The following HTT variants were observed in gnomAD, a reference collection of about 807,000 sequenced individuals.
HTT encodes huntingtin, also known as huntington disease protein.
In HTT, 104 loss-of-function variants were observed where a neutral mutation model predicts 362.3. That is an observed-to-expected ratio of 0.29 (90% CI 0.24 to 0.34). HTT has a LOEUF of 0.34. Among genes scored for constraint, HTT ranks in the 10% least tolerant of loss-of-function variants. The probability of loss-of-function intolerance (pLI) is 1.00; values close to 1 mark genes in which losing one functional copy is unlikely to be tolerated. For synonymous variants in HTT, 1,577 were observed against 1,548.7 expected (o/e 1.02, Z -0.43); for missense variants, 3,301 against 3,928.6 (o/e 0.84, Z 4.27).
chr4:3,104,355 A>T (rs1714318111), intron 4 of HTT, among the ~76,000 whole-genome samples: 1 of 151,922 alleles, frequency 6.6e-6, no homozygotes, highest in Admixed American at 6.6e-5. Context: ...CATGCCTGTA[A>T]TCCCAGCATT....
At chr4:3,142,999 C>A in intron 23 of HTT, 113 bp downstream of exon 23, 1 of 736,422 alleles carries the variant, frequency 1.4e-6, no homozygotes, top group Non-Finnish European at 2.3e-6. Flanking sequence ...ACAGCTCTTA[C>A]TTATCCATGA....
chr4:3,223,445 C>A lies in HTT; in HGVS notation c.7510C>A (p.Gln2504Lys). ...GACCCAGATCAACGTCCTGGCCGTGCAGGCCATCACCTCACTGGTGCTCAG... is the reference window on the plus strand; with the variant it reads ...GACCCAGATCAACGTCCTGGCCGTGAAGGCCATCACCTCACTGGTGCTCAG... ...ERTQINVLAV[Q>K]AITSLVLSAM... Residue 2504 changes from glutamine to lysine, a missense_variant, in exon 55 of 67, where the codon CAG (glutamine) becomes AAG (lysine). Physicochemically the swap from Gln to Lys is moderately conservative, Grantham distance 53. Coordinates refer to ENST00000355072, the MANE Select transcript of HTT (RefSeq NM_001388492.1). The A allele has an allele frequency of 6.2e-7, 1 of 1,609,294 alleles. No individual in the cohort carries two copies. Among genetic ancestry groups the A allele is most frequent in the Non-Finnish European group, 8.5e-7 (1 of 1,177,560 alleles).
Position 3,184,771 on chromosome 4 carries a change from AG to A in HTT, c.4867-1821del, listed in dbSNP as rs1718687175. Among the ~76,000 whole-genome samples, 3 of 152,108 alleles carry A rather than the reference AG, an allele frequency of 2.0e-5. No individual in the cohort carries two copies. In the South Asian group the frequency reaches 6.2e-4, roughly 32 times the overall value. ...TGGAGTTGTCGAGAGACTGTGGGGCAGGGGGTCAGCATCTGAGATGTCCACT... is the reference window on the plus strand; with the variant it reads ...TGGAGTTGTCGAGAGACTGTGGGGCAGGGGTCAGCATCTGAGATGTCCACT... On this transcript the variant is annotated intron_variant, in intron 37 of 66. Transcript: ENST00000355072.
At chr4:3,091,764 AC>A (rs1471591549) in intron 2 of HTT, among the ~76,000 whole-genome samples, 1 of 152,320 alleles carries the variant, frequency 6.6e-6, no homozygotes, top group South Asian at 2.1e-4. Flanking sequence ...AAAAATAAGA[AC>A]CTTTTTTACC....
At chr4:3,184,352 G>T (rs1488041203) in intron 37 of HTT, among the ~76,000 whole-genome samples, 1 of 151,990 alleles carries the variant, frequency 6.6e-6, no homozygotes, top group African/African-American at 2.4e-5. Context: ...AGGCCTGGTG[G>T]GGTGAGGCCA....
intron 11 of HTT, among the ~76,000 whole-genome samples, 183 bp from the exon 12 acceptor site, chr4:3,127,081 A>G (rs1207608189): frequency 2.0e-5 from 3 of 152,212 alleles, no homozygotes; most frequent in Admixed American, 1.3e-4. Context: ...TGGGTACTGT[A>G]GTGGGAGGCA....
In HTT at chr4:3,135,899, G is replaced by A. The variant is rs1252257746; in HGVS notation, c.2634-5G>A. 1 of 1,598,804 alleles carries A rather than the reference G, an allele frequency of 6.3e-7. No homozygotes were observed. The highest frequency in any genetic ancestry group is 8.5e-7 in the Non-Finnish European group (1 of 1,174,512). On this transcript the variant is annotated splice_polypyrimidine_tract_variant and splice_region_variant and intron_variant, in intron 19 of 66. Transcript: ENST00000355072. ...ATTTCATTGTTAAATGTGCTCTTTTGTTAGGCTGGTGAGCTTTTTGGAGGC... is the reference window on the plus strand; with the variant it reads ...ATTTCATTGTTAAATGTGCTCTTTTATTAGGCTGGTGAGCTTTTTGGAGGC...
intron 61 of HTT, among the ~76,000 whole-genome samples, chr4:3,234,514 C>T (rs1200044566): frequency 6.6e-6 from 1 of 152,260 alleles, no homozygotes; most frequent in East Asian, 1.9e-4. Flanking sequence ...GCCCCAGACA[C>T]AGGCCAAAGC....
Position 3,148,153 on chromosome 4 carries a change from G to C in HTT, c.3444G>C (p.Val1148=). Residue 1148 remains valine (V), a synonymous_variant, in exon 26 of 67, where the codon GTG becomes GTC. Coordinates refer to ENST00000355072, the MANE Select transcript of HTT (RefSeq NM_001388492.1). ...AGCTCTTCTCTCACCTGCTGAAGGTGATTAACATTTGTGCCCACGTCCTGG... is the reference window on the plus strand; with the variant it reads ...AGCTCTTCTCTCACCTGCTGAAGGTCATTAACATTTGTGCCCACGTCCTGG... ...VEQLFSHLLK[V]INICAHVLDD... 1 of 1,612,388 alleles carries C rather than the reference G, an allele frequency of 6.2e-7. No homozygotes were observed. The highest frequency in any genetic ancestry group is 8.5e-7 in the Non-Finnish European group (1 of 1,179,228).
chr4:3,137,569 C>G (rs1010574099), intron 21 of HTT, among the ~76,000 whole-genome samples: 105 of 152,240 alleles, frequency 6.9e-4, no homozygotes, highest in Admixed American at 2.3e-3. Context: ...TGTGGTGGCA[C>G]ACGCCTGTAA....
chr4:3,106,499 A>G lies in HTT; in HGVS notation c.609-786A>G, dbSNP rs79061441. 7.1e-3 allele frequency among the ~76,000 whole-genome samples: 1,085 copies of G among 152,348 alleles called. 15 individuals are homozygous for G. Among genetic ancestry groups the G allele is most frequent in the African/African-American group, 0.024 (999 of 41,582 alleles). The stretch of plus-strand genomic sequence containing the variant: ...GAAGCAACACATCCAGGTTCTGCAC[A>G]TAGCAGCCAAAGTGACCTTAAAGAA... On this transcript the variant is annotated intron_variant, in intron 5 of 66. Transcript: ENST00000355072.
rs1394589248 is a variant in HTT at position 3,223,431 on chromosome 4, A to G, written c.7496A>G (p.Asn2499Ser). The G allele has an allele frequency of 1.2e-6, 2 of 1,602,294 alleles. No homozygotes were observed. Among genetic ancestry groups the G allele is most frequent in the East Asian group, 2.3e-5 (1 of 44,342 alleles). ...GAAGACACAGAGAGGACCCAGATCAACGTCCTGGCCGTGCAGGCCATCACC... is the reference window on the plus strand; with the variant it reads ...GAAGACACAGAGAGGACCCAGATCAGCGTCCTGGCCGTGCAGGCCATCACC... The part of the protein sequence containing the change: ...PEEDTERTQI[N>S]VLAVQAITSL... The change falls in exon 55 of 67, where the codon AAC becomes AGC. Residue 2499 changes from asparagine to serine, a missense_variant. Asn to Ser is a conservative substitution (Grantham distance 46). Transcript: ENST00000355072.
intron 2 of HTT, among the ~76,000 whole-genome samples, chr4:3,097,564 G>A (rs1343337037): frequency 5.3e-5 from 8 of 152,146 alleles, no homozygotes; most frequent in Middle Eastern, 3.2e-3. Context: ...CCTGGGAGGC[G>A]GAGGTTGCAG....
At chr4:3,153,326 C>G (rs1161014751) in intron 26 of HTT, among the ~76,000 whole-genome samples, 1 of 152,114 alleles carries the variant, frequency 6.6e-6, no homozygotes, top group Non-Finnish European at 1.5e-5. Context: ...ATTTGGGGGA[C>G]TATAGACATT....
Position 3,228,731 on chromosome 4 carries a change from T to C in HTT, c.7965T>C (p.Ser2655=). Residue 2655 remains serine (S), a synonymous_variant, in exon 58 of 67, where the codon TCT becomes TCC. Transcript: ENST00000355072. The surrounding 1 kb of genome is among the most constrained non-coding windows in gnomAD (Gnocchi z 4.3). ...CTGCACCTTCGTCACCACCCACGTCTCCAGTCAACTCCAGGTTTTCCAATG... is the reference window on the plus strand; with the variant it reads ...CTGCACCTTCGTCACCACCCACGTCCCCAGTCAACTCCAGGTTTTCCAATG... The part of the protein sequence containing the change: ...DAPAPSSPPT[S]PVNSRKHRAG... 3.8e-6 allele frequency: 6 copies of C among 1,589,452 alleles called. No individual in the cohort carries two copies. Among genetic ancestry groups the C allele is most frequent in the Non-Finnish European group, 5.1e-6 (6 of 1,167,380 alleles).
chr4:3,232,059 C>T (rs960775545), intron 60 of HTT, among the ~76,000 whole-genome samples: 5 of 152,128 alleles, frequency 3.3e-5, no homozygotes, highest in South Asian at 2.1e-4. Flanking sequence ...TTGTGAAATC[C>T]GTGCCACCCG....
intron 35 of HTT, 59 bp downstream of exon 35, chr4:3,178,505 G>A (rs2110238183): frequency 6.7e-6 from 10 of 1,492,760 alleles, no homozygotes; most frequent in Admixed American, 5.4e-5. Flanking sequence ...GGCAGTGTTC[G>A]TTTTCATATA....
chr4:3,176,411 C>T (rs886574303), intron 33 of HTT, among the ~76,000 whole-genome samples: 1 of 152,160 alleles, frequency 6.6e-6, no homozygotes, highest in Non-Finnish European at 1.5e-5. Context: ...CAAAACCTGT[C>T]CGAAGAAAAT....
intron 2 of HTT, among the ~76,000 whole-genome samples, chr4:3,094,594 A>G (rs1237855012): frequency 5.3e-5 from 7 of 133,238 alleles, no homozygotes; most frequent in African/African-American, 2.0e-4. Context: ...GCTGCCCACC[A>G]CCTCCCGGAC....
Sources: allele counts gnomAD v4.1 joint callset (sites outside exome capture counted in the v4.1 genomes callset), GRCh38; gene constraint gnomAD v4.1.1; non-coding constraint Gnocchi (gnomAD v3.1); transcripts MANE v1.5; gene names NCBI Gene and HGNC (gene_info 2026-07-23, HGNC 2026-07-21).